The following XK variants were observed in gnomAD, a reference collection of about 807,000 sequenced individuals.
XK encodes the protein endoplasmic reticulum membrane adapter protein XK.
XK carries 2 observed loss-of-function variants against 14.0 expected under a neutral mutation model. The ratio of observed to expected loss-of-function variants is 0.14; its 90% CI spans 0.06 to 0.45. The LOEUF is 0.45. Ranked by LOEUF, XK falls within the 20% of genes least tolerant of loss-of-function variation. The pLI, the probability that XK is intolerant of heterozygous loss-of-function variation, is 0.98. For missense variants in XK, 235 were observed against 341.5 expected (o/e 0.69, Z 2.46); for synonymous variants, 149 against 147.5 (o/e 1.01, Z -0.08).
At position 37,728,952 on chromosome X, in the gene XK, G is replaced by A. The variant is rs193010807; in HGVS notation, c.*490G>A. The A allele has an allele frequency of 5.0e-5, 6 of 119,470 alleles. No homozygotes were observed. The highest frequency in any genetic ancestry group is 5.9e-4 in the South Asian group (2 of 3,389). 9.8% of individuals were successfully genotyped at this position (119,470 alleles called of 1,213,427 possible). A position where few individuals can be genotyped will look rare whatever the true frequency, so the allele number is the denominator to read the frequency against. Reference sequence around the variant, plus strand: ...ATTCCTGTCAGAGCTTTCAGGGAGGGCTGTTCAAGTTTGGTTTTTGAATAG... The same window carrying A: ...ATTCCTGTCAGAGCTTTCAGGGAGGACTGTTCAAGTTTGGTTTTTGAATAG... On this transcript the variant is annotated 3_prime_UTR_variant, in exon 3 of 3. Transcript: ENST00000378616.
chrX:37,707,284 C>T (rs1163310426), intron 2 of XK, among the ~76,000 whole-genome samples: 7 of 109,171 alleles, frequency 6.4e-5, no homozygotes, highest in South Asian at 4.0e-4. Context: ...CCCTCCCAGA[C>T]GGGGCGGCTG....
chrX:37,726,792 G>A (rs1556450107), intron 2 of XK, among the ~76,000 whole-genome samples: 2 of 112,091 alleles, frequency 1.8e-5, no homozygotes. Context: ...AAGACAGATA[G>A]ACTCTCAGTA....
chrX:37,723,908 T>C (rs1556449470), intron 2 of XK, among the ~76,000 whole-genome samples: 2 of 111,629 alleles, frequency 1.8e-5, no homozygotes, highest in African/African-American at 6.5e-5. Flanking sequence ...ATCACTAATA[T>C]GTTCTGCTTT....
chrX:37,693,818 G>GTGCA (rs1414200880), intron 1 of XK, among the ~76,000 whole-genome samples: 1 of 111,695 alleles, frequency 9.0e-6, no homozygotes, highest in Admixed American at 9.4e-5. Flanking sequence ...ACGTGTGTGC[G>GTGCA]TGCATGCATG....
At chrX:37,717,267 G>A (rs1927784687) in intron 2 of XK, among the ~76,000 whole-genome samples, 1 of 111,530 alleles carries the variant, frequency 9.0e-6, no homozygotes, top group Non-Finnish European at 1.9e-5. Flanking sequence ...TATTTAGGCA[G>A]AAGAGCCTAC....
chrX:37,716,541 G>A (rs938354735), intron 2 of XK, among the ~76,000 whole-genome samples: 3 of 111,523 alleles, frequency 2.7e-5, no homozygotes, highest in African/African-American at 9.8e-5. Context: ...CTTCAGTCAT[G>A]GAGGATCTAA....
chrX:37,702,415 C>A (rs782720320), intron 2 of XK, among the ~76,000 whole-genome samples: 1 of 112,312 alleles, frequency 8.9e-6, no homozygotes, highest in South Asian at 3.7e-4. Context: ...ATATTATTTC[C>A]TAAAGCGCAG....
intron 2 of XK, among the ~76,000 whole-genome samples, chrX:37,701,009 G>A (rs1442146055): frequency 8.9e-6 from 1 of 111,908 alleles, no homozygotes; most frequent in African/African-American, 3.3e-5. Flanking sequence ...TTGAGACAGG[G>A]ATTAGTAACT....
intron 2 of XK, among the ~76,000 whole-genome samples, chrX:37,726,891 G>T (rs894040896): frequency 4.5e-5 from 5 of 111,989 alleles, no homozygotes; most frequent in Admixed American, 9.5e-5. Context: ...CAGTTTAAAA[G>T]ATCCTGCAGA....
At chrX:37,688,268 G>A (rs1260397116) in intron 1 of XK, among the ~76,000 whole-genome samples, 1 of 109,006 alleles carries the variant, frequency 9.2e-6, no homozygotes, top group Admixed American at 9.8e-5. Flanking sequence ...GGGTTTCACC[G>A]TGCCAGCCAG....
chrX:37,717,385 C>T (rs959764575), intron 2 of XK, among the ~76,000 whole-genome samples: 6 of 112,016 alleles, frequency 5.4e-5, no homozygotes, highest in Non-Finnish European at 1.1e-4. Context: ...TCCACTTTCT[C>T]ATCTCTATTA....
At chrX:37,716,166 G>A (rs896955118) in intron 2 of XK, among the ~76,000 whole-genome samples, 5 of 112,080 alleles carry the variant, frequency 4.5e-5, no homozygotes, top group Admixed American at 9.5e-5. Flanking sequence ...CCACATCTCT[G>A]TAAAGTAAGT....
chrX:37,685,854 T>A lies in XK; in HGVS notation c.-108T>A. On this transcript the variant is annotated 5_prime_UTR_variant, in exon 1 of 3. Transcript: ENST00000378616. ...CGGGCTGCGCAGAGCGCGGGAGCGG[T>A]TTGGGGCTGGGCATGCTGGGAGCCC... The A allele has an allele frequency of 1.1e-6, 1 of 881,292 alleles. No individual in the cohort carries two copies. The highest frequency in any genetic ancestry group is 1.5e-6 in the Non-Finnish European group (1 of 662,991). 72.6% of individuals were successfully genotyped at this position (881,292 alleles called of 1,213,427 possible).
At chrX:37,693,549 G>A (rs1602145562) in intron 1 of XK, among the ~76,000 whole-genome samples, 1 of 106,535 alleles carries the variant, frequency 9.4e-6, no homozygotes, top group Middle Eastern at 5.3e-3. Flanking sequence ...TCCCACTTCA[G>A]CATCCATATT....
At chrX:37,711,683 A>G (rs1294394903) in intron 2 of XK, among the ~76,000 whole-genome samples, 1 of 111,470 alleles carries the variant, frequency 9.0e-6, no homozygotes, top group African/African-American at 3.3e-5. Context: ...TTACCTCCCA[A>G]ATGAACCACC....
intron 1 of XK, among the ~76,000 whole-genome samples, chrX:37,690,466 A>G (rs897576815): frequency 6.2e-5 from 7 of 112,444 alleles, no homozygotes; most frequent in Admixed American, 1.9e-4. Flanking sequence ...AGCATGCATG[A>G]TTTCAGCTAA....
In XK at chrX:37,728,522, A is replaced by C; in HGVS notation, c.*60A>C. 1 of 1,099,708 alleles carries C rather than the reference A, an allele frequency of 9.1e-7. No homozygotes were observed. Among genetic ancestry groups the C allele is most frequent in the Non-Finnish European group, 1.2e-6 (1 of 803,921 alleles). The allele number at this position is 1,099,708 out of a possible 1,213,427, so 90.6% of individuals were successfully genotyped here. On this transcript the variant is annotated 3_prime_UTR_variant, in exon 3 of 3. Transcript: ENST00000378616. Reference sequence around the variant, plus strand: ...TTTCTGGGTTTGATACTCGTTATTCATACAAATAATGAGCCCTACACAGGG... The same window carrying C: ...TTTCTGGGTTTGATACTCGTTATTCCTACAAATAATGAGCCCTACACAGGG...
intron 2 of XK, among the ~76,000 whole-genome samples, chrX:37,705,739 TTTTCTTTC>T (rs1172807794): frequency 2.7e-5 from 3 of 109,783 alleles, no homozygotes; most frequent in East Asian, 2.8e-4. Flanking sequence ...TTCTTTTTCT[TTTTCTTTC>T]TTTCTTTCTT....
At chrX:37,698,246 A>G (rs1218466501) in intron 2 of XK, among the ~76,000 whole-genome samples, 1 of 111,513 alleles carries the variant, frequency 9.0e-6, no homozygotes, top group African/African-American at 3.3e-5. Context: ...GCACTGTGAT[A>G]GGCATCCTTG....
Sources: allele counts gnomAD v4.1 joint callset (sites outside exome capture counted in the v4.1 genomes callset), GRCh38; gene constraint gnomAD v4.1.1; transcripts MANE v1.5; gene names NCBI Gene and HGNC (gene_info 2026-07-23, HGNC 2026-07-21).